Variants in IL1RAPL2 observed in about 807,000 individuals in gnomAD.
IL1RAPL2 encodes the protein X-linked interleukin-1 receptor accessory protein-like 2.
A neutral mutation model predicts 44.1 loss-of-function variants in IL1RAPL2; 3 were observed. The observed-to-expected ratio is 0.07, with a 90% CI of 0.03 to 0.18. IL1RAPL2 has a LOEUF of 0.18. Among genes scored for constraint, IL1RAPL2 ranks in the 10% least tolerant of loss-of-function variants. The probability of loss-of-function intolerance (pLI) is 1.00; values close to 1 mark genes in which losing one functional copy is unlikely to be tolerated. For synonymous variants in IL1RAPL2, 181 were observed against 178.8 expected (o/e 1.01, Z -0.10); for missense variants, 391 against 496.4 (o/e 0.79, Z 2.02).
intron 2 of IL1RAPL2, among the ~76,000 whole-genome samples, chrX:104,748,168 G>A (rs750585598): frequency 1.8e-5 from 2 of 111,400 alleles, no homozygotes; most frequent in Non-Finnish European, 3.8e-5. Flanking sequence ...GGACAAAGAG[G>A]TACATGTTAG....
intron 6 of IL1RAPL2, among the ~76,000 whole-genome samples, chrX:105,546,439 G>A (rs2036800220): frequency 9.0e-6 from 1 of 111,149 alleles, no homozygotes; most frequent in Non-Finnish European, 1.9e-5. Flanking sequence ...TTAAAATGGA[G>A]AGAAGGAGGA....
At chrX:105,370,467 A>G (rs1654030562) in intron 5 of IL1RAPL2, among the ~76,000 whole-genome samples, 1 of 111,776 alleles carries the variant, frequency 8.9e-6, no homozygotes, top group Non-Finnish European at 1.9e-5. Context: ...GTAAGTGAGA[A>G]CATGTGGTAT....
chrX:104,851,627 A>G (rs1475365631), intron 2 of IL1RAPL2, among the ~76,000 whole-genome samples: 1 of 111,912 alleles, frequency 8.9e-6, no homozygotes, highest in Admixed American at 9.5e-5. Context: ...TCAATTCCAG[A>G]GGTCAAGATT....
At chrX:105,585,055 G>T (rs775169024) in intron 6 of IL1RAPL2, among the ~76,000 whole-genome samples, 2 of 109,412 alleles carry the variant, frequency 1.8e-5, no homozygotes, top group Non-Finnish European at 3.8e-5. Flanking sequence ...TTCAGATATT[G>T]TATTTTTAAT....
chrX:105,268,596 T>A (rs2034422268), intron 5 of IL1RAPL2, among the ~76,000 whole-genome samples: 1 of 91,780 alleles, frequency 1.1e-5, no homozygotes, highest in Admixed American at 1.1e-4. Flanking sequence ...GGAAACCCTG[T>A]CTCTACTAAA....
At chrX:104,703,404 A>G (rs1041422312) in intron 2 of IL1RAPL2, among the ~76,000 whole-genome samples, 7 of 111,924 alleles carry the variant, frequency 6.3e-5, no homozygotes, top group African/African-American at 2.3e-4. Flanking sequence ...TGTTTCCACT[A>G]TCACAGAATG....
chrX:104,834,848 A>G (rs989812804), intron 2 of IL1RAPL2, among the ~76,000 whole-genome samples: 1 of 111,620 alleles, frequency 9.0e-6, no homozygotes, highest in African/African-American at 3.3e-5. Context: ...CCCAACAAGA[A>G]AAAGCAAGCT....
At chrX:105,358,129 G>A (rs1272133035) in intron 5 of IL1RAPL2, among the ~76,000 whole-genome samples, 1 of 107,933 alleles carries the variant, frequency 9.3e-6, no homozygotes, top group Non-Finnish European at 1.9e-5. Flanking sequence ...AGAAAGTGCA[G>A]TACAGAGGTT....
intron 3 of IL1RAPL2, among the ~76,000 whole-genome samples, chrX:105,207,414 C>T (rs1343184437): frequency 9.0e-6 from 1 of 111,583 alleles, no homozygotes; most frequent in Non-Finnish European, 1.9e-5. Context: ...ATAGATTTAA[C>T]GTAGTCCCTT....
At chrX:105,757,052 C>T in intron 10 of IL1RAPL2, among the ~76,000 whole-genome samples, 1 of 111,833 alleles carries the variant, frequency 8.9e-6, no homozygotes, top group East Asian at 2.8e-4. Flanking sequence ...TCACTATTTA[C>T]TACAGGATAA....
intron 2 of IL1RAPL2, among the ~76,000 whole-genome samples, chrX:105,107,523 G>A (rs771981383): frequency 8.9e-6 from 1 of 112,191 alleles, no homozygotes; most frequent in African/African-American, 3.2e-5. Context: ...CGAATTCACT[G>A]TAAAAGATAT....
intron 6 of IL1RAPL2, among the ~76,000 whole-genome samples, chrX:105,662,001 T>C (rs1301663543): frequency 1.8e-5 from 2 of 112,511 alleles, no homozygotes; most frequent in Non-Finnish European, 3.8e-5. Context: ...ATGGCAGCAA[T>C]AGAAATAGAT....
At chrX:104,849,572 C>G (rs1922169378) in intron 2 of IL1RAPL2, among the ~76,000 whole-genome samples, 1 of 108,129 alleles carries the variant, frequency 9.2e-6, no homozygotes, top group African/African-American at 3.4e-5. Flanking sequence ...GCTGTTTTTA[C>G]TAAAGTAGCA....
intron 5 of IL1RAPL2, among the ~76,000 whole-genome samples, chrX:105,316,720 G>T (rs2034844524): frequency 8.9e-6 from 1 of 112,066 alleles, no homozygotes; most frequent in Admixed American, 9.4e-5. Flanking sequence ...ATTAATAGGA[G>T]TGACAATGGG....
chrX:104,685,668 T>A (rs1320400699), intron 2 of IL1RAPL2, among the ~76,000 whole-genome samples: 1 of 110,929 alleles, frequency 9.0e-6, no homozygotes, highest in Non-Finnish European at 1.9e-5. Flanking sequence ...ATACCTAATG[T>A]AAATGACGAG....
chrX:105,035,628 T>G (rs895838493), intron 2 of IL1RAPL2, among the ~76,000 whole-genome samples: 1 of 112,401 alleles, frequency 8.9e-6, no homozygotes, highest in Admixed American at 9.4e-5. Flanking sequence ...AATACCTATT[T>G]ATATCCCATG....
chrX:105,761,220 TACACACACACACAC>T (rs113089380), intron 10 of IL1RAPL2, among the ~76,000 whole-genome samples: 5,290 of 84,058 alleles, frequency 0.063, 462 homozygotes, highest in African/African-American at 0.22. Context: ...ACTCTTCCTA[TACACACACACACAC>T]ACACACACAC....
chrX:105,047,644 C>A (rs1170398242), intron 2 of IL1RAPL2, among the ~76,000 whole-genome samples: 1 of 111,292 alleles, frequency 9.0e-6, no homozygotes, highest in Non-Finnish European at 1.9e-5. Flanking sequence ...CTAACAAGAG[C>A]TTTTGCTCAT....
intron 5 of IL1RAPL2, among the ~76,000 whole-genome samples, chrX:105,268,685 C>T (rs1282769712): frequency 9.0e-6 from 1 of 110,939 alleles, no homozygotes; most frequent in Admixed American, 9.6e-5. Flanking sequence ...AGGAGAGTTG[C>T]TTGACACAGG....
Sources: gnomAD v4.1 joint callset for allele counts (sites outside exome capture counted in the v4.1 genomes callset) on GRCh38, gnomAD v4.1.1 for gene constraint, MANE v1.5 for transcripts, NCBI Gene and HGNC (gene_info 2026-07-23, HGNC 2026-07-21) for gene names.